Variants in CASR observed in about 807,000 individuals in gnomAD.
CASR encodes extracellular calcium-sensing receptor.
A neutral mutation model predicts 69.1 loss-of-function variants in CASR; 23 were observed. The ratio of observed to expected loss-of-function variants is 0.33; its 90% CI spans 0.24 to 0.47. The LOEUF (loss-of-function observed/expected upper bound fraction) is 0.47. Ranked by LOEUF, CASR falls within the 20% of genes least tolerant of loss-of-function variation. The pLI, the probability that CASR is intolerant of heterozygous loss-of-function variation, is 1.00. For missense variants in CASR, 924 were observed against 1,356.1 expected, an observed-to-expected ratio of 0.68 and a Z score of 5.00; for synonymous variants, 541 against 544.7, an observed-to-expected ratio of 0.99 and a Z score of 0.10.
At chr3:122,229,895 A>G (rs575905628) in intron 1 of CASR, among the ~76,000 whole-genome samples, 32 of 152,308 alleles carry the variant, frequency 2.1e-4, no homozygotes, top group African/African-American at 7.2e-4. Context: ...GAAGCCTCCC[A>G]TTCCTAACCA....
At chr3:122,248,839 T>G (rs1410619015) in intron 1 of CASR, among the ~76,000 whole-genome samples, 1 of 152,222 alleles carries the variant, frequency 6.6e-6, no homozygotes, top group Non-Finnish European at 1.5e-5. Flanking sequence ...AATGTGGCAG[T>G]GTTCACTCCT....
intron 1 of CASR, among the ~76,000 whole-genome samples, chr3:122,237,397 A>T (rs937373856): frequency 1.3e-5 from 2 of 151,986 alleles, no homozygotes; most frequent in Admixed American, 6.6e-5. Context: ...GAGCCACCAC[A>T]CCTGGCCGAA....
chr3:122,221,670 A>G (rs1385501529), intron 1 of CASR, among the ~76,000 whole-genome samples: 1 of 152,206 alleles, frequency 6.6e-6, no homozygotes, highest in Non-Finnish European at 1.5e-5. Context: ...ACAAATCTCT[A>G]GTACACCAGT....
chr3:122,273,656 T>G (rs561185765), intron 4 of CASR, among the ~76,000 whole-genome samples: 1 of 152,300 alleles, frequency 6.6e-6, no homozygotes, highest in East Asian at 1.9e-4. Context: ...GAAGCACATT[T>G]CATCTGAGTC....
At chr3:122,245,952 G>A (rs916158460) in intron 1 of CASR, among the ~76,000 whole-genome samples, 2 of 152,106 alleles carry the variant, frequency 1.3e-5, no homozygotes, top group African/African-American at 4.8e-5. Context: ...TGACAAATCG[G>A]GGGGAAAAAA....
rs748941531 is a variant in CASR at position 122,218,656 on chromosome 3, C to G, written c.-243+34844C>G. 1.5e-4 allele frequency among the ~76,000 whole-genome samples: 23 copies of G among 151,814 alleles called. No homozygotes were observed. The South Asian group carries it at 2.7e-3, about 18-fold the overall frequency. On this transcript the variant is annotated intron_variant, in intron 1 of 6. Coordinates refer to ENST00000639785, the MANE Select transcript of CASR (RefSeq NM_000388.4). ...GAGGAGAATCCATTTATTCATTCAGCAAGTATTTATTGAGCCCCAGATGCT... is the reference window on the plus strand; with the variant it reads ...GAGGAGAATCCATTTATTCATTCAGGAAGTATTTATTGAGCCCCAGATGCT...
chr3:122,275,848 A>T lies in CASR; in HGVS notation c.1414A>T (p.Asn472Tyr). Reference sequence around the variant, plus strand: ...CCTACGGCATCTAAACTTTACAAACAATATGGGGGAGCAGGTGACCTTTGA... The same window carrying T: ...CCTACGGCATCTAAACTTTACAAACTATATGGGGGAGCAGGTGACCTTTGA... Reference protein sequence around the residue: ...KHLRHLNFTNNMGEQVTFDEC... With the variant: ...KHLRHLNFTNYMGEQVTFDEC... The change falls in exon 5 of 7, where the codon AAT becomes TAT. Residue 472 changes from asparagine (N) to tyrosine (Y), a missense_variant. Transcript: ENST00000639785. 1 of 1,614,088 alleles carries T rather than the reference A, an allele frequency of 6.2e-7. No homozygotes were observed. Among genetic ancestry groups the T allele is most frequent in the Non-Finnish European group, 8.5e-7 (1 of 1,179,966 alleles).
At chr3:122,208,804 C>G (rs1306005355) in intron 1 of CASR, among the ~76,000 whole-genome samples, 3 of 152,140 alleles carry the variant, frequency 2.0e-5, no homozygotes, top group Admixed American at 2.0e-4. Context: ...TGGAACATGC[C>G]TTCCTCATAC....
intron 1 of CASR, among the ~76,000 whole-genome samples, chr3:122,232,494 A>T (rs567210293): frequency 4.5e-4 from 68 of 152,248 alleles, no homozygotes; most frequent in South Asian, 4.1e-3. Context: ...TCTGAGAGGG[A>T]TGGGAAGGGC....
intron 1 of CASR, among the ~76,000 whole-genome samples, chr3:122,242,071 T>C (rs1419212759): frequency 6.6e-6 from 1 of 152,062 alleles, no homozygotes; most frequent in Non-Finnish European, 1.5e-5. Context: ...ACAGCTAGTA[T>C]CATACAGATT....
At chr3:122,229,287 A>G (rs1301498376) in intron 1 of CASR, among the ~76,000 whole-genome samples, 1 of 152,218 alleles carries the variant, frequency 6.6e-6, no homozygotes, top group East Asian at 1.9e-4. Flanking sequence ...TTGTAGCAAA[A>G]TTCTCTACTT....
At chr3:122,227,850 A>G (rs1010909056) in intron 1 of CASR, among the ~76,000 whole-genome samples, 2 of 152,236 alleles carry the variant, frequency 1.3e-5, no homozygotes, top group African/African-American at 2.4e-5. Context: ...CCGTGTAACA[A>G]ACCTGTATGT....
chr3:122,241,937 C>T (rs1361574926), intron 1 of CASR, among the ~76,000 whole-genome samples: 1 of 151,940 alleles, frequency 6.6e-6, no homozygotes, highest in Non-Finnish European at 1.5e-5. Context: ...ATCATATAAT[C>T]GTTTTCAATT....
intron 4 of CASR, among the ~76,000 whole-genome samples, chr3:122,271,759 G>C (rs1010261808): frequency 2.6e-5 from 4 of 152,054 alleles, no homozygotes; most frequent in African/African-American, 9.7e-5. Flanking sequence ...TCACTCCCTA[G>C]GCCCCCAAAG....
intron 1 of CASR, among the ~76,000 whole-genome samples, chr3:122,237,880 A>T (rs1048245656): frequency 3.5e-4 from 54 of 152,328 alleles, no homozygotes; most frequent in African/African-American, 1.3e-3. Context: ...GGTAGTATCT[A>T]CTAAAACTAA....
At chr3:122,280,188 C>G (rs2074871385) in intron 5 of CASR, among the ~76,000 whole-genome samples, 2 of 152,286 alleles carry the variant, frequency 1.3e-5, no homozygotes, top group Admixed American at 1.3e-4. Context: ...TCTAAATAAA[C>G]TAGGTGTTGA....
At chr3:122,231,085 G>C (rs933584493) in intron 1 of CASR, among the ~76,000 whole-genome samples, 1 of 152,176 alleles carries the variant, frequency 6.6e-6, no homozygotes, top group Non-Finnish European at 1.5e-5. Context: ...TCACTTTAGA[G>C]ACATCAGAAA....
intron 5 of CASR, 171 bp from the exon 6 acceptor site, chr3:122,281,942 G>A: frequency 1.3e-6 from 1 of 782,842 alleles, no homozygotes; most frequent in Non-Finnish European, 2.1e-6. Flanking sequence ...CCCTTTCACA[G>A]ATATCAGAAC....
At chr3:122,213,825 T>G (rs1195992215) in intron 1 of CASR, among the ~76,000 whole-genome samples, 2 of 152,254 alleles carry the variant, frequency 1.3e-5, no homozygotes, top group African/African-American at 4.8e-5. Context: ...TGATCTGAGA[T>G]GACTTACTCA....
Sources: allele counts gnomAD v4.1 joint callset (sites outside exome capture counted in the v4.1 genomes callset), GRCh38; gene constraint gnomAD v4.1.1; transcripts MANE v1.5; gene names NCBI Gene and HGNC (gene_info 2026-07-23, HGNC 2026-07-21).